FKBP15: variants seen among roughly 807,000 people sequenced by gnomAD.
FKBP15 encodes FKBP prolyl isomerase family member 15.
Under a neutral mutation model 158.1 loss-of-function variants are expected in FKBP15, and 106 were observed. The observed-to-expected ratio is 0.67, with a 90% confidence interval of 0.57 to 0.79. The LOEUF (loss-of-function observed/expected upper bound fraction) is 0.79, where lower values mean the gene tolerates loss of function less well. FKBP15 is among the 30% of genes least tolerant of loss of function. The probability of loss-of-function intolerance (pLI) is 0.00; values close to 1 mark genes in which losing one functional copy is unlikely to be tolerated. For synonymous variants in FKBP15, 547 were observed against 548.6 expected (o/e 1.00, Z 0.04); for missense variants, 1,287 against 1,479.1 (o/e 0.87, Z 2.13).
Position 113,164,874 on chromosome 9 carries a change from C to G in FKBP15, c.*1204G>C, listed in dbSNP as rs1830073571. On this transcript the variant is annotated 3_prime_UTR_variant, in exon 28 of 28. Transcript: ENST00000238256. ...TCTGTGAAAGTGCCAAACAGCACCG[C>G]CTTTTGTTAAGCAACAAAGAAATAA... is the stretch of plus-strand genomic sequence containing the variant. 1 of 152,206 alleles carries G rather than the reference C, an allele frequency of 6.6e-6. No individual in the cohort carries two copies. The highest frequency in any genetic ancestry group is 2.4e-5 in the African/African-American group (1 of 41,452). 9.4% of individuals were successfully genotyped at this position (152,206 alleles called of 1,614,324 possible).
chr9:113,165,839 C>A lies in FKBP15; in HGVS notation c.*239G>T. 2.2e-6 allele frequency: 1 copy of A among 446,538 alleles called. No individual in the cohort carries two copies. The highest frequency in any genetic ancestry group is 4.1e-6 in the Non-Finnish European group (1 of 242,052). 27.7% of individuals were successfully genotyped at this position (446,538 alleles called of 1,614,324 possible). A position where few individuals can be genotyped will look rare whatever the true frequency, so the allele number is the denominator to read the frequency against. On this transcript the variant is annotated 3_prime_UTR_variant, in exon 28 of 28. Transcript: ENST00000238256. ...TGGCTTGGAGGGGAACCTACCAGTC[C>A]TTCTTCCAACTTGCTGCTGAAATCC...
At chr9:113,217,621 T>C (rs988308431) in intron 1 of FKBP15, among the ~76,000 whole-genome samples, 5 of 152,302 alleles carry the variant, frequency 3.3e-5, no homozygotes, top group Admixed American at 1.3e-4. Context: ...ACAGGAGGAC[T>C]GCTTGAGGCC....
chr9:113,206,566 T>G lies in FKBP15; in HGVS notation c.267A>C (p.Gln89His). The G allele has an allele frequency of 1.9e-6, 3 of 1,613,844 alleles. No individual in the cohort carries two copies. Among genetic ancestry groups the G allele is most frequent in the Non-Finnish European group, 2.5e-6 (3 of 1,179,756 alleles). ...CACCAAATTTGCCCTGCTTTACATA[T>G]TGACCATTTGTGCTATAAAAGGAAG... ...AVHAYRYTNG[Q>H]YVKQGKFGAA... Residue 89 changes from glutamine to histidine, a missense_variant, in exon 4 of 28, where the codon CAA (glutamine) becomes CAC (histidine). By Grantham distance (24) the Gln-to-His change is conservative (BLOSUM62 0). Transcript: ENST00000238256.
Position 113,190,468 on chromosome 9 carries a change from T to C in FKBP15, c.1173+3A>G. On this transcript the variant is annotated splice_donor_region_variant and intron_variant, in intron 12 of 27. Transcript: ENST00000238256. ...TCATTCTAATACAGCCAGGGGGACA[T>C]ACTTCGATTTCTGAATCATTGGAAT... 1.3e-5 allele frequency: 21 copies of C among 1,602,416 alleles called. No homozygotes were observed. The highest frequency in any genetic ancestry group is 2.2e-5 in the East Asian group (1 of 44,622).
At chr9:113,172,812 C>T (rs1395496048) in intron 23 of FKBP15, among the ~76,000 whole-genome samples, 1 of 152,234 alleles carries the variant, frequency 6.6e-6, no homozygotes, top group African/African-American at 2.4e-5. Context: ...AAGTTTTCAA[C>T]TGGACACTTT....
chr9:113,166,138 C>A lies in FKBP15; in HGVS notation c.3600G>T (p.Pro1200=). ...DEDEVSMKGR[P]PPTPLFGDDD... Reference sequence around the variant, plus strand: ...CATCTCCAAAAAGGGGCGTTGGGGGCGGGCGTCCCTTCATGCTCTGATAAA... The same window carrying A: ...CATCTCCAAAAAGGGGCGTTGGGGGAGGGCGTCCCTTCATGCTCTGATAAA... The change falls in exon 28 of 28, where the codon CCG becomes CCT. Residue 1200 remains proline, a synonymous_variant. Coordinates refer to ENST00000238256, the MANE Select transcript of FKBP15 (RefSeq NM_015258.2). 6.2e-7 allele frequency: 1 copy of A among 1,613,246 alleles called. No individual in the cohort carries two copies. The highest frequency in any genetic ancestry group is 8.5e-7 in the Non-Finnish European group (1 of 1,179,546).
chr9:113,203,959 G>A (rs531985511), intron 4 of FKBP15, among the ~76,000 whole-genome samples: 3 of 152,110 alleles, frequency 2.0e-5, no homozygotes, highest in South Asian at 4.1e-4. Context: ...CTCTTTTATT[G>A]TCATGTAGTA....
Position 113,200,015 on chromosome 9 carries a change from T to G in FKBP15, c.499-52A>C, listed in dbSNP as rs1238161167. The G allele has an allele frequency of 1.9e-6, 3 of 1,547,314 alleles. No homozygotes were observed. In the Admixed American group the frequency reaches 5.9e-5, roughly 31 times the overall value. ...AATGTAGTTTAAGCTCAATAAGTAC[T>G]CATTCCTTTATTGCTACTGCTCTTT... On this transcript the variant is annotated intron_variant, in intron 6 of 27. Coordinates refer to ENST00000238256, the MANE Select transcript of FKBP15 (RefSeq NM_015258.2).
Position 113,166,102 on chromosome 9 carries a change from G to GTCATCA in FKBP15, c.3630_3635dup (p.Asp1213_Asp1214dup). On this transcript the variant is annotated inframe_insertion, in exon 28 of 28. Transcript: ENST00000238256. ...TTCATCCCAGCCAGTCAATGTCATC[G>GTCATCA]TCATCATCATCATCTCCAAAAAGGG... is the stretch of plus-strand genomic sequence containing the variant. The GTCATCA allele has an allele frequency of 6.2e-7, 1 of 1,613,468 alleles. No homozygotes were observed. The highest frequency in any genetic ancestry group is 8.5e-7 in the Non-Finnish European group (1 of 1,179,634).
At chr9:113,212,280 C>G (rs535406992) in intron 1 of FKBP15, among the ~76,000 whole-genome samples, 21 of 152,238 alleles carry the variant, frequency 1.4e-4, no homozygotes, top group Middle Eastern at 6.8e-3. Flanking sequence ...CCTCCGCTTC[C>G]CAGGTTCAAG....
chr9:113,211,194 G>C (rs1165992031), intron 2 of FKBP15, among the ~76,000 whole-genome samples: 1 of 152,204 alleles, frequency 6.6e-6, no homozygotes, highest in Non-Finnish European at 1.5e-5. Context: ...TTTTGAGACA[G>C]AGTCTCGCTC....
intron 15 of FKBP15, among the ~76,000 whole-genome samples, chr9:113,185,913 C>T (rs959981385): frequency 7.2e-5 from 11 of 152,088 alleles, no homozygotes; most frequent in Non-Finnish European, 1.5e-4. Context: ...TCTCTAAACT[C>T]TAGCTACTCT....
chr9:113,169,810 G>A lies in FKBP15; in HGVS notation c.2899C>T (p.Gln967Ter), dbSNP rs1416309020. The part of the protein sequence containing the change: ...QEQSASASSG[Q>*]PQAPLNRERP... ...TCCCTATTCAGGGGTGCTTGAGGCT[G>A]CCCAGAACTGGCTGAGGCTGACTGC... Residue 967 changes from glutamine (Q) to a stop codon, truncating the protein, a stop_gained, in exon 26 of 28, where the codon CAG (glutamine) becomes TAG (stop). Transcript: ENST00000238256. LOFTEE classifies it high-confidence loss of function. 9.5e-6 allele frequency: 15 copies of A among 1,573,088 alleles called. No individual in the cohort carries two copies. Among genetic ancestry groups the A allele is most frequent in the Non-Finnish European group, 1.3e-5 (15 of 1,158,458 alleles).
rs752244881 is a variant in FKBP15, at chr9:113,169,202, A to G, written c.3485+22T>C. On this transcript the variant is annotated intron_variant, in intron 26 of 27. Coordinates refer to ENST00000238256, the MANE Select transcript of FKBP15 (RefSeq NM_015258.2). ...CCACAGATAACTACCCTGTCCCTGA[A>G]GCAGTGCTCAGAGGAACATACCTGG... 5.0e-6 allele frequency: 8 copies of G among 1,597,786 alleles called. No homozygotes were observed. The South Asian group carries it at 9.0e-5, about 18-fold the overall frequency.
At chr9:113,195,658 C>T (rs1012113671) in intron 9 of FKBP15, among the ~76,000 whole-genome samples, 1 of 152,036 alleles carries the variant, frequency 6.6e-6, no homozygotes, top group South Asian at 2.1e-4. Context: ...ATAATATTCC[C>T]TATTTGTATT....
chr9:113,201,353 G>T (rs7029472), intron 6 of FKBP15, among the ~76,000 whole-genome samples: 49 of 151,882 alleles, frequency 3.2e-4, no homozygotes, highest in Non-Finnish European at 5.0e-4. Context: ...TGCTCACCAC[G>T]GTATCATTTA....
Position 113,161,506 on chromosome 9 carries a change from CA to C in FKBP15, c.*4571del. 6.2e-7 allele frequency: 1 copy of C among 1,613,500 alleles called. No individual in the cohort carries two copies. The highest frequency in any genetic ancestry group is 1.1e-5 in the South Asian group (1 of 90,996). ...GTCTCCACAACTCTGCCTCCTTTGA[CA>C]GGCATGGCCCTTTCGGTGTTGGTGC... On this transcript the variant is annotated 3_prime_UTR_variant, in exon 28 of 28. Coordinates refer to ENST00000238256, the MANE Select transcript of FKBP15 (RefSeq NM_015258.2).
In FKBP15 at chr9:113,164,746, A is replaced by G. The variant is rs553889723; in HGVS notation, c.*1332T>C. 2.5e-4 allele frequency: 38 copies of G among 152,380 alleles called. No individual in the cohort carries two copies. The highest frequency in any genetic ancestry group is 9.1e-4 in the African/African-American group (38 of 41,588). The allele number at this position is 152,380 out of a possible 1,614,324, so 9.4% of individuals were successfully genotyped here. A position where few individuals can be genotyped will look rare whatever the true frequency, so the allele number is the denominator to read the frequency against. On this transcript the variant is annotated 3_prime_UTR_variant, in exon 28 of 28. Coordinates refer to ENST00000238256, the MANE Select transcript of FKBP15 (RefSeq NM_015258.2). ...ATTCTTGTGCTGAGGCTTCCTAGATATGTAACTTTGGGCAAATTACTTTAC... is the reference window on the plus strand; with the variant it reads ...ATTCTTGTGCTGAGGCTTCCTAGATGTGTAACTTTGGGCAAATTACTTTAC...
chr9:113,200,072 T>C (rs992880310), intron 6 of FKBP15, 109 bp from the exon 7 acceptor site: 16 of 1,261,266 alleles, frequency 1.3e-5, no homozygotes, highest in Admixed American at 2.7e-5. Flanking sequence ...ACAAAACAGA[T>C]TACATGTTTA....
Sources: gnomAD v4.1 joint callset for allele counts (sites outside exome capture counted in the v4.1 genomes callset) on GRCh38, gnomAD v4.1.1 for gene constraint, MANE v1.5 for transcripts, NCBI Gene and HGNC (gene_info 2026-07-23, HGNC 2026-07-21) for gene names.